C7orf78: variants seen among roughly 807,000 people sequenced by gnomAD.
C7orf78 encodes the protein putative uncharacterized protein C7orf78.
chr7:12,511,068 G>C, the C7orf78 span, among the ~76,000 whole-genome samples: 1 of 151,816 alleles, frequency 6.6e-6, no homozygotes, highest in Non-Finnish European at 1.5e-5. Context: ...TTTGCATATG[G>C]TGAGAAATAG....
At chr7:12,489,321 G>C in the C7orf78 span, among the ~76,000 whole-genome samples, 1 of 152,000 alleles carries the variant, frequency 6.6e-6, no homozygotes, top group Admixed American at 6.6e-5. Flanking sequence ...CTTTAACTCA[G>C]CAAGTTTATT....
chr7:12,505,506 G>T, the C7orf78 span, among the ~76,000 whole-genome samples: 1 of 152,088 alleles, frequency 6.6e-6, no homozygotes, highest in African/African-American at 2.4e-5. Flanking sequence ...GCTTTCATTG[G>T]AGGCAGCATT....
At chr7:12,484,092 G>C in the C7orf78 span, 1 of 152,094 alleles carries the variant, frequency 6.6e-6, no homozygotes, top group Non-Finnish European at 1.5e-5. Flanking sequence ...TTGAAAATAA[G>C]CTCTGAAAAA....
the C7orf78 span, among the ~76,000 whole-genome samples, chr7:12,515,060 GACAGTTTAACT>G: frequency 4.6e-5 from 7 of 152,132 alleles, no homozygotes; most frequent in African/African-American, 1.7e-4. Context: ...CTTGTCTTTA[GACAGTTTAACT>G]ACAATGTGCT....
the C7orf78 span, among the ~76,000 whole-genome samples, chr7:12,515,740 A>C: frequency 6.6e-6 from 1 of 152,148 alleles, no homozygotes; most frequent in Non-Finnish European, 1.5e-5. Flanking sequence ...AACTGGAGCA[A>C]AGGTGACTCT....
At chr7:12,524,907 TA>T in the C7orf78 span, among the ~76,000 whole-genome samples, 1 of 152,164 alleles carries the variant, frequency 6.6e-6, no homozygotes, top group Admixed American at 6.6e-5. Flanking sequence ...GAATAAGGAA[TA>T]TTTTTATTTT....
the C7orf78 span, among the ~76,000 whole-genome samples, chr7:12,513,133 T>G: frequency 6.6e-6 from 1 of 152,006 alleles, no homozygotes; most frequent in East Asian, 1.9e-4. Flanking sequence ...ATTTCATTGA[T>G]TCTCTGTATT....
chr7:12,497,195 C>A, the C7orf78 span, among the ~76,000 whole-genome samples: 2 of 152,102 alleles, frequency 1.3e-5, no homozygotes, highest in Non-Finnish European at 2.9e-5. Context: ...AGAAAAAAAT[C>A]AAAATTATTT....
the C7orf78 span, among the ~76,000 whole-genome samples, chr7:12,503,890 G>A: frequency 6.6e-6 from 1 of 152,052 alleles, no homozygotes; most frequent in African/African-American, 2.4e-5. Flanking sequence ...TGGAAGGATT[G>A]CTTGAAGCTA....
chr7:12,492,129 G>C, the C7orf78 span: 1 of 152,266 alleles, frequency 6.6e-6, no homozygotes, highest in African/African-American at 2.4e-5. Flanking sequence ...CAGGACAAGT[G>C]AGGCACTAAT....
At chr7:12,531,702 T>C in the C7orf78 span, among the ~76,000 whole-genome samples, 1 of 152,158 alleles carries the variant, frequency 6.6e-6, no homozygotes, top group African/African-American at 2.4e-5. Context: ...TAGTACCAAC[T>C]TTGCAGAGTT....
At chr7:12,540,513 T>C in the C7orf78 span, among the ~76,000 whole-genome samples, 1 of 152,224 alleles carries the variant, frequency 6.6e-6, no homozygotes, top group African/African-American at 2.4e-5. Context: ...TAATTATTAT[T>C]ATTGTTGTTA....
the C7orf78 span, chr7:12,525,676 A>C: frequency 1.1e-5 from 4 of 378,404 alleles, no homozygotes; most frequent in Non-Finnish European, 1.9e-5. Context: ...AACAAGTTTT[A>C]AATGCTACAT....
the C7orf78 span, among the ~76,000 whole-genome samples, chr7:12,514,159 CTAT>C: frequency 1.3e-5 from 2 of 152,042 alleles, no homozygotes; most frequent in East Asian, 3.8e-4. Context: ...AAGTATCCCA[CTAT>C]TATTATATTG....
chr7:12,487,866 T>C, the C7orf78 span, among the ~76,000 whole-genome samples: 213 of 152,226 alleles, frequency 1.4e-3, no homozygotes, highest in African/African-American at 5.0e-3. Flanking sequence ...TGTGCAGTTA[T>C]AACCAATAAG....
the C7orf78 span, among the ~76,000 whole-genome samples, chr7:12,529,913 G>A: frequency 1.2e-4 from 19 of 152,244 alleles, no homozygotes; most frequent in Non-Finnish European, 2.1e-4. Flanking sequence ...CAGTTTTGCA[G>A]TCATATTTAC....
At chr7:12,521,543 T>C in the C7orf78 span, among the ~76,000 whole-genome samples, 1 of 152,036 alleles carries the variant, frequency 6.6e-6, no homozygotes, top group East Asian at 1.9e-4. Flanking sequence ...TTAGATTTGC[T>C]AAGTAGCTCA....
At chr7:12,529,316 G>C in the C7orf78 span, among the ~76,000 whole-genome samples, 1 of 152,170 alleles carries the variant, frequency 6.6e-6, no homozygotes, top group African/African-American at 2.4e-5. Context: ...TGGCTTCTGA[G>C]ATCAGAGTAT....
chr7:12,498,460 G>A, the C7orf78 span, among the ~76,000 whole-genome samples: 12 of 151,524 alleles, frequency 7.9e-5, no homozygotes, highest in Non-Finnish European at 1.3e-4. Flanking sequence ...GAGCCGATGC[G>A]ATCAACTGGA....
Sources: gnomAD v4.1 joint callset for allele counts (sites outside exome capture counted in the v4.1 genomes callset) on GRCh38, gnomAD v4.1.1 for gene constraint, MANE v1.5 for transcripts, NCBI Gene and HGNC (gene_info 2026-07-23, HGNC 2026-07-21) for gene names.